The following ERC2 variants were observed in gnomAD, a reference collection of about 807,000 sequenced individuals.
ERC2 encodes the protein ERC protein 2.
A neutral mutation model predicts 114.8 loss-of-function variants in ERC2; 42 were observed. The observed-to-expected ratio is 0.37, with a 90% CI of 0.29 to 0.47. The LOEUF (loss-of-function observed/expected upper bound fraction) is 0.47, where lower values mean the gene tolerates loss of function less well. ERC2 is among the 20% of genes least tolerant of loss of function. The pLI is 0.99. For synonymous variants in ERC2, 454 were observed against 425.5 expected (o/e 1.07, Z -0.82); for missense variants, 939 against 1,150.7 (o/e 0.82, Z 2.66).
chr3:56,093,315 G>C (rs1287178391), intron 6 of ERC2, among the ~76,000 whole-genome samples: 1 of 152,072 alleles, frequency 6.6e-6, no homozygotes, highest in Non-Finnish European at 1.5e-5. Context: ...ATCTCTCCTT[G>C]CTAATAGATT....
At chr3:56,004,199 A>G (rs562886929) in intron 10 of ERC2, among the ~76,000 whole-genome samples, 19 of 151,988 alleles carry the variant, frequency 1.3e-4, no homozygotes, top group African/African-American at 4.6e-4. Context: ...GGGTAAATTT[A>G]CTCCCCCATT....
chr3:56,278,757 G>A (rs552725506), intron 3 of ERC2, among the ~76,000 whole-genome samples: 45 of 152,306 alleles, frequency 3.0e-4, no homozygotes, highest in African/African-American at 9.1e-4. Flanking sequence ...GGGAGCCAGC[G>A]TGCAGATCAC....
At chr3:56,004,665 C>T (rs558572946) in intron 10 of ERC2, among the ~76,000 whole-genome samples, 24 of 152,102 alleles carry the variant, frequency 1.6e-4, no homozygotes, top group South Asian at 2.1e-4. Context: ...TTCTGTTCAA[C>T]GACACACATC....
intron 3 of ERC2, among the ~76,000 whole-genome samples, chr3:56,241,254 AAAG>A (rs1299791261): frequency 6.6e-6 from 1 of 152,216 alleles, no homozygotes; most frequent in Admixed American, 6.5e-5. Context: ...ACATTTCTCA[AAAG>A]AAGACGCACA....
At chr3:56,436,934 T>A (rs1275337835) in intron 1 of ERC2, among the ~76,000 whole-genome samples, 1 of 152,226 alleles carries the variant, frequency 6.6e-6, no homozygotes, top group Non-Finnish European at 1.5e-5. Flanking sequence ...ATCATAGAAG[T>A]TACCATCATC....
chr3:55,706,921 G>A (rs865919836), intron 15 of ERC2, among the ~76,000 whole-genome samples: 16 of 151,948 alleles, frequency 1.1e-4, no homozygotes, highest in African/African-American at 3.6e-4. Flanking sequence ...ATTCAGTTTC[G>A]GCCAAACATT....
intron 6 of ERC2, among the ~76,000 whole-genome samples, chr3:56,128,528 T>G (rs944436855): frequency 3.9e-5 from 6 of 152,166 alleles, no homozygotes; most frequent in Non-Finnish European, 7.4e-5. Flanking sequence ...AATGCAAATG[T>G]GGTTTAAGTT....
chr3:56,164,131 C>T (rs895695628), intron 4 of ERC2, among the ~76,000 whole-genome samples: 1 of 151,916 alleles, frequency 6.6e-6, no homozygotes, highest in Non-Finnish European at 1.5e-5. Context: ...AGCTATAATA[C>T]ACACACCATA....
intron 1 of ERC2, among the ~76,000 whole-genome samples, chr3:56,440,586 G>A (rs1320758165): frequency 6.6e-6 from 1 of 151,272 alleles, no homozygotes; most frequent in East Asian, 1.9e-4. Flanking sequence ...GGCAGGGCAT[G>A]TTGACTCCTG....
chr3:55,791,779 TAAG>T (rs2070051070), intron 14 of ERC2, among the ~76,000 whole-genome samples: 1 of 152,180 alleles, frequency 6.6e-6, no homozygotes, highest in Non-Finnish European at 1.5e-5. Flanking sequence ...GGACCAGCTT[TAAG>T]AACAAAAATT....
intron 17 of ERC2, among the ~76,000 whole-genome samples, chr3:55,670,426 C>T (rs187785399): frequency 1.6e-4 from 25 of 152,304 alleles, no homozygotes; most frequent in East Asian, 1.2e-3. Flanking sequence ...AAGAAATGGG[C>T]CCATCTTCCC....
chr3:56,448,814 A>G (rs58600800), intron 1 of ERC2, among the ~76,000 whole-genome samples: 10,059 of 152,170 alleles, frequency 0.066, 631 homozygotes, highest in African/African-American at 0.16. Flanking sequence ...GGTGGCTCAC[A>G]CCTGTAATTC....
In ERC2 at chr3:56,441,528, A is replaced by G. The variant is rs539464435; in HGVS notation, c.-140-6381T>C. On this transcript the variant is annotated intron_variant, in intron 1 of 17. Transcript: ENST00000288221. ...ATTGTGATTGATAAAGCTTTATAAT[A>G]TTTTGATTGATAAAGCTTTTCAATG... 6.6e-5 allele frequency among the ~76,000 whole-genome samples: 10 copies of G among 152,336 alleles called. No individual in the cohort carries two copies. In the South Asian group the frequency reaches 1.9e-3, roughly 28 times the overall value.
intron 5 of ERC2, 124 bp from the exon 6 acceptor site, chr3:56,139,800 G>A (rs1376026897): frequency 5.0e-5 from 54 of 1,078,848 alleles, no homozygotes; most frequent in Admixed American, 2.0e-4. Context: ...GGCAGGCCAC[G>A]AATTTGCTTA....
At chr3:55,618,616 C>G (rs1035660437) in intron 17 of ERC2, among the ~76,000 whole-genome samples, 1 of 152,050 alleles carries the variant, frequency 6.6e-6, no homozygotes, top group African/African-American at 2.4e-5. Flanking sequence ...ATAATATAAT[C>G]CCATTCTTTT....
chr3:55,928,074 T>A (rs1429450702), intron 13 of ERC2, among the ~76,000 whole-genome samples: 1 of 152,228 alleles, frequency 6.6e-6, no homozygotes, highest in African/African-American at 2.4e-5. Flanking sequence ...AACATAGTAG[T>A]GTAGATATCT....
At chr3:56,393,354 T>C (rs964665394) in intron 2 of ERC2, among the ~76,000 whole-genome samples, 1 of 152,128 alleles carries the variant, frequency 6.6e-6, no homozygotes, top group African/African-American at 2.4e-5. Flanking sequence ...GCCGAGATCA[T>C]ACCTCTATAC....
At chr3:55,610,235 C>G (rs1559738836) in intron 17 of ERC2, among the ~76,000 whole-genome samples, 1 of 152,022 alleles carries the variant, frequency 6.6e-6, no homozygotes, top group South Asian at 2.1e-4. Flanking sequence ...TTGGGACAAC[C>G]AAAAATGTCC....
At chr3:56,359,136 C>G (rs1022931196) in intron 2 of ERC2, among the ~76,000 whole-genome samples, 18 of 152,220 alleles carry the variant, frequency 1.2e-4, no homozygotes, top group African/African-American at 4.1e-4. Context: ...AAAGCCCCAT[C>G]ACAATATCAT....
Sources: gnomAD v4.1 joint callset for allele counts (sites outside exome capture counted in the v4.1 genomes callset) on GRCh38, gnomAD v4.1.1 for gene constraint, MANE v1.5 for transcripts, NCBI Gene and HGNC (gene_info 2026-07-23, HGNC 2026-07-21) for gene names.